C12orf56: variants seen among roughly 807,000 people sequenced by gnomAD.
The protein encoded by C12orf56 is uncharacterized protein C12orf56.
Under a neutral mutation model 69.9 loss-of-function variants are expected in C12orf56, and 71 were observed. The observed-to-expected ratio is 1.02, with a 90% CI of 0.84 to 1.24. C12orf56 has a LOEUF of 1.24. Ranked by LOEUF, C12orf56 falls within the 50% of genes most tolerant of loss-of-function variation. The pLI, the probability that C12orf56 is intolerant of heterozygous loss-of-function variation, is 0.00. For missense variants in C12orf56, 732 were observed against 738.5 expected (o/e 0.99, Z 0.10); for synonymous variants, 276 against 274.1 (o/e 1.01, Z -0.07).
chr12:64,287,119 C>G lies in C12orf56; in HGVS notation c.1114-1059G>C, dbSNP rs557507651. Among the ~76,000 whole-genome samples the G allele has an allele frequency of 5.9e-5, 9 of 151,862 alleles. No individual in the cohort carries two copies. In the South Asian group the frequency reaches 6.2e-4, roughly 11 times the overall value. ...GGGTTTGGTAGCATGCGCCTGTAAT[C>G]CCTAATCCCAGCTACTTGGGAGGGT... is the stretch of plus-strand genomic sequence containing the variant. On this transcript the variant is annotated intron_variant, in intron 6 of 12. Transcript: ENST00000543942.
At chr12:64,347,079 G>T (rs2039153852) in intron 2 of C12orf56, among the ~76,000 whole-genome samples, 1 of 151,150 alleles carries the variant, frequency 6.6e-6, no homozygotes, top group African/African-American at 2.4e-5. Context: ...CGGTTCAAGT[G>T]ATTCTCCTGC....
At chr12:64,356,838 G>T (rs556510793) in intron 1 of C12orf56, among the ~76,000 whole-genome samples, 1 of 152,234 alleles carries the variant, frequency 6.6e-6, no homozygotes, top group Admixed American at 6.5e-5. Flanking sequence ...AGAGAAGCTT[G>T]GAGTTCACTA....
chr12:64,295,867 T>G lies in C12orf56; in HGVS notation c.1113+7768A>C, dbSNP rs533980993. Among the ~76,000 whole-genome samples, 137 of 151,772 alleles carry G rather than the reference T, an allele frequency of 9.0e-4. 1 individual carries two copies. Among genetic ancestry groups the G allele is most frequent in the Middle Eastern group, 3.5e-3 (1 of 288 alleles). Reference sequence around the variant, plus strand: ...TTATAGCGTATCTGTAATTTTTATATCCATAATATGTACATTATATATGTG... The same window carrying G: ...TTATAGCGTATCTGTAATTTTTATAGCCATAATATGTACATTATATATGTG... On this transcript the variant is annotated intron_variant, in intron 6 of 12. Transcript: ENST00000543942.
At chr12:64,373,239 G>A (rs1039533205) in intron 1 of C12orf56, among the ~76,000 whole-genome samples, 2 of 151,820 alleles carry the variant, frequency 1.3e-5, no homozygotes, top group Non-Finnish European at 2.9e-5. Context: ...CAGATTACTC[G>A]AGCTCAGAAG....
intron 6 of C12orf56, among the ~76,000 whole-genome samples, chr12:64,287,035 G>A (rs904076224): frequency 4.6e-5 from 7 of 152,006 alleles, no homozygotes; most frequent in East Asian, 1.9e-4. Context: ...TCAGGAGTTC[G>A]AAATCAGCCT....
At chr12:64,345,301 G>A (rs2039125692) in intron 2 of C12orf56, among the ~76,000 whole-genome samples, 1 of 142,066 alleles carries the variant, frequency 7.0e-6, no homozygotes. Context: ...GGCCATCACT[G>A]TTGCCTCAGG....
At chr12:64,372,670 T>C (rs2039588237) in intron 1 of C12orf56, among the ~76,000 whole-genome samples, 1 of 152,060 alleles carries the variant, frequency 6.6e-6, no homozygotes, top group Admixed American at 6.6e-5. Flanking sequence ...CACACCAATA[T>C]GTCCAGCTAA....
At chr12:64,364,513 T>C (rs2039439640) in intron 1 of C12orf56, among the ~76,000 whole-genome samples, 2 of 151,942 alleles carry the variant, frequency 1.3e-5, no homozygotes, top group Admixed American at 6.6e-5. Flanking sequence ...CTTGCATGCC[T>C]ATGGGACTAA....
chr12:64,308,986 A>AAAGAG (rs2038570848), intron 5 of C12orf56, among the ~76,000 whole-genome samples: 1 of 139,034 alleles, frequency 7.2e-6, no homozygotes, highest in Admixed American at 7.2e-5. Context: ...GAAAGAAAGA[A>AAAGAG]AAGAAAGAAG....
intron 12 of C12orf56, 88 bp from the exon 13 acceptor site, chr12:64,267,376 T>C: frequency 9.7e-7 from 1 of 1,032,038 alleles, no homozygotes; most frequent in South Asian, 1.5e-5. Context: ...ACTCACTGGC[T>C]AGGGTTGTTG....
chr12:64,298,416 TG>T (rs2038398357), intron 6 of C12orf56, among the ~76,000 whole-genome samples: 1 of 152,258 alleles, frequency 6.6e-6, no homozygotes, highest in African/African-American at 2.4e-5. Flanking sequence ...TGGCTTTTGT[TG>T]CCATTGCTTT....
At chr12:64,346,459 C>G (rs2039143987) in intron 2 of C12orf56, among the ~76,000 whole-genome samples, 1 of 152,148 alleles carries the variant, frequency 6.6e-6, no homozygotes, top group Non-Finnish European at 1.5e-5. Context: ...ACACACATAC[C>G]CAGGATCAAA....
chr12:64,286,423 C>A (rs1448726846), intron 6 of C12orf56, among the ~76,000 whole-genome samples: 1 of 152,144 alleles, frequency 6.6e-6, no homozygotes, highest in African/African-American at 2.4e-5. Flanking sequence ...AGTAATCTGG[C>A]CTTTGTGAGG....
intron 2 of C12orf56, among the ~76,000 whole-genome samples, chr12:64,341,287 T>C (rs1284702924): frequency 6.6e-6 from 1 of 152,002 alleles, no homozygotes; most frequent in African/African-American, 2.4e-5. Flanking sequence ...TGATGGTGAG[T>C]GGTGCCACTT....
chr12:64,275,400 A>G (rs937776479), intron 9 of C12orf56, 28 bp from the exon 10 acceptor site: 4 of 1,055,600 alleles, frequency 3.8e-6, no homozygotes, highest in South Asian at 3.8e-5. Flanking sequence ...AATCAATGCA[A>G]TGTCATAAGC....
chr12:64,272,047 T>C (rs2037996601), intron 11 of C12orf56, among the ~76,000 whole-genome samples: 1 of 152,102 alleles, frequency 6.6e-6, no homozygotes, highest in Admixed American at 6.6e-5. Context: ...GAACCAACTT[T>C]AGAGGCTGGT....
intron 1 of C12orf56, among the ~76,000 whole-genome samples, chr12:64,359,666 T>G (rs1025971761): frequency 6.6e-6 from 1 of 152,114 alleles, no homozygotes; most frequent in African/African-American, 2.4e-5. Context: ...GAAGGCTTAA[T>G]CCAAAGAACA....
intron 2 of C12orf56, among the ~76,000 whole-genome samples, chr12:64,334,962 C>T (rs938841347): frequency 4.6e-5 from 7 of 152,166 alleles, no homozygotes; most frequent in South Asian, 2.1e-4. Context: ...GCACTAGCCA[C>T]GTTTGAAAAG....
chr12:64,301,470 G>C (rs966239414), intron 6 of C12orf56, among the ~76,000 whole-genome samples: 2 of 152,170 alleles, frequency 1.3e-5, no homozygotes, highest in African/African-American at 2.4e-5. Flanking sequence ...GGCAAGATAA[G>C]GGTAATCACC....
Sources: allele counts gnomAD v4.1 joint callset (sites outside exome capture counted in the v4.1 genomes callset), GRCh38; gene constraint gnomAD v4.1.1; transcripts MANE v1.5; gene names NCBI Gene and HGNC (gene_info 2026-07-23, HGNC 2026-07-21).